LRRC49: variants seen among roughly 807,000 people sequenced by gnomAD.
LRRC49 encodes the protein leucine-rich repeat-containing protein 49.
In LRRC49, 50 loss-of-function variants were observed where a neutral mutation model predicts 83.3. The ratio of observed to expected loss-of-function variants is 0.60; its 90% CI spans 0.48 to 0.76. The LOEUF (loss-of-function observed/expected upper bound fraction) is 0.76, where lower values mean the gene tolerates loss of function less well. Ranked by LOEUF, LRRC49 falls within the 30% of genes least tolerant of loss-of-function variation. The pLI is 0.00. For synonymous variants in LRRC49, 286 were observed against 283.3 expected (o/e 1.01, Z -0.10); for missense variants, 704 against 809.1 (o/e 0.87, Z 1.58).
chr15:70,892,020 C>A, upstream of LRRC49: 1 of 1,612,630 alleles, frequency 6.2e-7, no homozygotes, highest in Non-Finnish European at 8.5e-7. Context: ...GTGGGCACGG[C>A]GCCTGCCACC....
intron 13 of LRRC49, 122 bp downstream of exon 13, chr15:71,010,114 T>A (rs545900720): frequency 2.7e-5 from 14 of 526,148 alleles, no homozygotes; most frequent in South Asian, 1.1e-4. Context: ...TGGTTTTTTT[T>A]AAATTGACAT....
intron 7 of LRRC49, among the ~76,000 whole-genome samples, chr15:70,922,308 A>G (rs918573098): frequency 5.3e-5 from 8 of 152,330 alleles, no homozygotes; most frequent in Non-Finnish European, 1.0e-4. Flanking sequence ...TGGATAAAGA[A>G]AATGTGGTAC....
intron 11 of LRRC49, among the ~76,000 whole-genome samples, chr15:71,007,200 G>T (rs932863112): frequency 1.3e-5 from 2 of 151,826 alleles, no homozygotes; most frequent in African/African-American, 4.8e-5. Flanking sequence ...ACAGGGCAGC[G>T]CTTTCTTAGT....
intron 10 of LRRC49, among the ~76,000 whole-genome samples, chr15:70,982,369 AT>A (rs1289296725): frequency 2.0e-5 from 3 of 152,102 alleles, no homozygotes; most frequent in Non-Finnish European, 4.4e-5. Flanking sequence ...TAGATTACAA[AT>A]TGGGTTGGCA....
intron 14 of LRRC49, among the ~76,000 whole-genome samples, chr15:71,030,250 A>AAAGT (rs2039308268): frequency 6.6e-6 from 1 of 151,716 alleles, no homozygotes; most frequent in Non-Finnish European, 1.5e-5. Flanking sequence ...GCTTGTCTGT[A>AAAGT]ATTTTATTTC....
At chr15:71,014,853 T>G (rs1323416829) in intron 14 of LRRC49, among the ~76,000 whole-genome samples, 1 of 152,146 alleles carries the variant, frequency 6.6e-6, no homozygotes, top group Admixed American at 6.6e-5. Context: ...CTATAGAGGA[T>G]TTGCATAACA....
chr15:70,901,689 CTATT>C (rs1301761776), intron 4 of LRRC49, among the ~76,000 whole-genome samples: 1 of 152,132 alleles, frequency 6.6e-6, no homozygotes, highest in Non-Finnish European at 1.5e-5. Context: ...AACATAATAA[CTATT>C]TACTTATTAT....
intron 9 of LRRC49, among the ~76,000 whole-genome samples, chr15:70,971,740 T>C (rs1257842359): frequency 6.6e-6 from 1 of 152,146 alleles, no homozygotes; most frequent in African/African-American, 2.4e-5. Flanking sequence ...TCTTTGTCTT[T>C]TTTGATCTTT....
chr15:71,024,605 C>G (rs1293080035), intron 14 of LRRC49, among the ~76,000 whole-genome samples: 1 of 151,790 alleles, frequency 6.6e-6, no homozygotes, highest in Non-Finnish European at 1.5e-5. Flanking sequence ...ATCCAAAGGT[C>G]AGCAGCCTCA....
At chr15:71,014,130 T>C (rs1205657321) in intron 14 of LRRC49, among the ~76,000 whole-genome samples, 1 of 151,176 alleles carries the variant, frequency 6.6e-6, no homozygotes, top group Non-Finnish European at 1.5e-5. Context: ...ACAAAACCAT[T>C]CTGAAAAAAA....
At chr15:71,026,432 A>C (rs2039174776) in intron 14 of LRRC49, among the ~76,000 whole-genome samples, 1 of 152,224 alleles carries the variant, frequency 6.6e-6, no homozygotes, top group Non-Finnish European at 1.5e-5. Flanking sequence ...GTATATACCC[A>C]GTAATAGGAT....
chr15:70,980,572 G>T (rs1316267484), intron 10 of LRRC49, among the ~76,000 whole-genome samples: 18 of 135,462 alleles, frequency 1.3e-4, no homozygotes, highest in African/African-American at 2.9e-4. Context: ...GCTCTGCTAC[G>T]TTTTTTTTTT....
intron 11 of LRRC49, among the ~76,000 whole-genome samples, chr15:71,001,046 C>G (rs923904854): frequency 6.6e-6 from 1 of 152,012 alleles, no homozygotes; most frequent in Non-Finnish European, 1.5e-5. Context: ...TTATGGTTTA[C>G]CCACTTAGAT....
At chr15:71,044,253 C>T (rs769291526) in intron 15 of LRRC49, among the ~76,000 whole-genome samples, 2 of 152,170 alleles carry the variant, frequency 1.3e-5, no homozygotes, top group Admixed American at 6.5e-5. Flanking sequence ...TGTTGCTTAT[C>T]ACACATCAAA....
intron 11 of LRRC49, 59 bp from the exon 12 acceptor site, chr15:71,008,320 A>T: frequency 2.1e-6 from 2 of 951,900 alleles, no homozygotes; most frequent in Non-Finnish European, 3.3e-6. Flanking sequence ...ACAGGTCATT[A>T]TACTGTTAGG....
At chr15:70,890,723 A>C (rs1350303275), upstream of LRRC49, among the ~76,000 whole-genome samples, 2 of 152,170 alleles carry the variant, frequency 1.3e-5, no homozygotes, top group African/African-American at 4.8e-5. Context: ...CTTAATTGGC[A>C]ATGATGGGAG....
At chr15:70,868,561 G>A (rs1157132739) in intron 1 of LRRC49, among the ~76,000 whole-genome samples, 1 of 152,224 alleles carries the variant, frequency 6.6e-6, no homozygotes, top group Non-Finnish European at 1.5e-5. Flanking sequence ...AGGGCTTGTT[G>A]AAACTCAGAT....
chr15:70,974,470 A>G (rs989839568), intron 9 of LRRC49, among the ~76,000 whole-genome samples: 4 of 152,198 alleles, frequency 2.6e-5, no homozygotes, highest in African/African-American at 9.6e-5. Context: ...TTTTTCCTCC[A>G]GTCCATTCTA....
chr15:70,901,081 A>T, intron 4 of LRRC49, 57 bp downstream of exon 4: 1 of 989,336 alleles, frequency 1.0e-6, no homozygotes, highest in Non-Finnish European at 1.5e-6. Flanking sequence ...TAGACGTGGT[A>T]CAAGACTTGA....
Sources: gnomAD v4.1 joint callset for allele counts (sites outside exome capture counted in the v4.1 genomes callset) on GRCh38, gnomAD v4.1.1 for gene constraint, MANE v1.5 for transcripts, NCBI Gene and HGNC (gene_info 2026-07-23, HGNC 2026-07-21) for gene names.